CDKAL1: variants seen among roughly 807,000 people sequenced by gnomAD.
CDKAL1 encodes the protein threonylcarbamoyladenosine tRNA methylthiotransferase.
Under a neutral mutation model 68.2 loss-of-function variants are expected in CDKAL1, and 32 were observed. The ratio of observed to expected loss-of-function variants is 0.47; its 90% CI spans 0.35 to 0.63. The LOEUF (loss-of-function observed/expected upper bound fraction) is 0.63, where lower values mean the gene tolerates loss of function less well. Ranked by LOEUF, CDKAL1 falls within the 30% of genes least tolerant of loss-of-function variation. The pLI, the probability that CDKAL1 is intolerant of heterozygous loss-of-function variation, is 0.00. For missense variants in CDKAL1, 606 were observed against 696.7 expected (o/e 0.87, Z 1.47); for synonymous variants, 234 against 244.3 (o/e 0.96, Z 0.39).
intron 8 of CDKAL1, among the ~76,000 whole-genome samples, chr6:20,830,610 T>C (rs998012660): frequency 6.6e-6 from 1 of 152,136 alleles, no homozygotes; most frequent in African/African-American, 2.4e-5. Context: ...GCATGGGTAA[T>C]GTTCTACCAC....
chr6:21,062,271 G>C (rs568518014), intron 11 of CDKAL1, among the ~76,000 whole-genome samples: 2 of 152,076 alleles, frequency 1.3e-5, no homozygotes, highest in African/African-American at 4.8e-5. Context: ...AATTTTCTAG[G>C]AGAGATGGAC....
intron 9 of CDKAL1, among the ~76,000 whole-genome samples, chr6:20,914,702 T>A (rs1218672221): frequency 6.6e-6 from 1 of 152,226 alleles, no homozygotes; most frequent in African/African-American, 2.4e-5. Context: ...AGTAAGTTTT[T>A]TAAAATTTTT....
At chr6:21,216,768 T>TCCCCAACCCTC (rs1225454222) in intron 15 of CDKAL1, among the ~76,000 whole-genome samples, 2 of 152,122 alleles carry the variant, frequency 1.3e-5, no homozygotes, top group Non-Finnish European at 2.9e-5. Flanking sequence ...GACCAACCCT[T>TCCCCAACCCTC]CCCCAACCCT....
rs1331179758 is a variant in CDKAL1 at position 20,786,896 on chromosome 6, A to G, written c.638+5631A>G. 2.0e-5 allele frequency among the ~76,000 whole-genome samples: 3 copies of G among 152,070 alleles called. No individual in the cohort carries two copies. In the East Asian group the frequency reaches 5.8e-4, roughly 29 times the overall value. ...AAAATTGGAAATTGTGGCATAAAGG[A>G]CATCTGTGCTTTATTTTACCTTCTC... On this transcript the variant is annotated intron_variant, in intron 8 of 15. Coordinates refer to ENST00000274695, the MANE Select transcript of CDKAL1 (RefSeq NM_017774.3).
chr6:20,999,675 AAAAAAAAAAAAAG>A (rs1239235054), intron 10 of CDKAL1, among the ~76,000 whole-genome samples: 6 of 145,974 alleles, frequency 4.1e-5, no homozygotes, highest in African/African-American at 1.6e-4. Context: ...AAAAAAAAAA[AAAAAAAAAAAAAG>A]AAAGAAACAG....
At chr6:20,601,236 CTT>C (rs748993991) in intron 4 of CDKAL1, among the ~76,000 whole-genome samples, 3 of 152,040 alleles carry the variant, frequency 2.0e-5, no homozygotes, top group African/African-American at 2.4e-5. Context: ...AATAGGGTAA[CTT>C]ATTTAATTTT....
chr6:20,897,073 T>A (rs1198600531), intron 9 of CDKAL1, among the ~76,000 whole-genome samples: 1 of 152,134 alleles, frequency 6.6e-6, no homozygotes, highest in Non-Finnish European at 1.5e-5. Context: ...AGATTCAGTA[T>A]CTCATGAAGG....
At chr6:20,909,169 A>G (rs929208636) in intron 9 of CDKAL1, among the ~76,000 whole-genome samples, 5 of 148,512 alleles carry the variant, frequency 3.4e-5, no homozygotes, top group Non-Finnish European at 5.9e-5. Context: ...ATATGTATCT[A>G]TATATGTGTG....
In CDKAL1 at chr6:20,907,381, C is replaced by T. The variant is rs184563940; in HGVS notation, c.743-48038C>T. 4.3e-3 allele frequency among the ~76,000 whole-genome samples: 659 copies of T among 152,142 alleles called. 1 individual carries two copies. The highest frequency in any genetic ancestry group is 6.0e-3 in the Non-Finnish European group (406 of 68,024). ...AGGCTGCAGTGAGCCGAGATTGTGC[C>T]ACTGCACTCCAGTTTGGATGACAGA... is the stretch of plus-strand genomic sequence containing the variant. On this transcript the variant is annotated intron_variant, in intron 9 of 15. Coordinates refer to ENST00000274695, the MANE Select transcript of CDKAL1 (RefSeq NM_017774.3).
At chr6:20,699,655 T>C (rs1303037858) in intron 5 of CDKAL1, among the ~76,000 whole-genome samples, 1 of 152,122 alleles carries the variant, frequency 6.6e-6, no homozygotes, top group East Asian at 1.9e-4. Flanking sequence ...TAAAGAAATA[T>C]GCACCTTCTG....
rs963701828 is a variant in CDKAL1, at chr6:20,677,458, G to A, written c.371+28081G>A. Among the ~76,000 whole-genome samples, 7 of 151,212 alleles carry A rather than the reference G, an allele frequency of 4.6e-5. No homozygotes were observed. In the South Asian group the frequency reaches 1.3e-3, roughly 27 times the overall value. On this transcript the variant is annotated intron_variant, in intron 5 of 15. Transcript: ENST00000274695. Reference sequence around the variant, plus strand: ...TTTTAGATGGAGTTTTACTCTTGTCGCCCAGGCTGGAGTGCAATGGCACGA... The same window carrying A: ...TTTTAGATGGAGTTTTACTCTTGTCACCCAGGCTGGAGTGCAATGGCACGA...
At chr6:20,977,059 A>G (rs990808966) in intron 10 of CDKAL1, among the ~76,000 whole-genome samples, 1 of 152,216 alleles carries the variant, frequency 6.6e-6, no homozygotes, top group African/African-American at 2.4e-5. Flanking sequence ...TGGCTTTAAT[A>G]AAATTGCCCA....
chr6:20,715,071 T>C (rs982974892), intron 5 of CDKAL1, among the ~76,000 whole-genome samples: 1 of 152,254 alleles, frequency 6.6e-6, no homozygotes, highest in Non-Finnish European at 1.5e-5. Flanking sequence ...AGAGCAGTTA[T>C]AATCTACTCA....
chr6:20,751,966 T>C (rs1462990276), intron 6 of CDKAL1, among the ~76,000 whole-genome samples: 1 of 152,178 alleles, frequency 6.6e-6, no homozygotes, highest in Non-Finnish European at 1.5e-5. Flanking sequence ...TCTTCATTAC[T>C]GTATGTGAAT....
At chr6:20,704,713 G>A (rs1485451074) in intron 5 of CDKAL1, among the ~76,000 whole-genome samples, 1 of 152,190 alleles carries the variant, frequency 6.6e-6, no homozygotes, top group Admixed American at 6.5e-5. Flanking sequence ...TAGACCAGAA[G>A]TGAGGAAATA....
chr6:20,557,525 T>A (rs934381299), intron 4 of CDKAL1, among the ~76,000 whole-genome samples: 3 of 152,190 alleles, frequency 2.0e-5, no homozygotes, highest in Admixed American at 2.0e-4. Flanking sequence ...TTCAGATAAT[T>A]TTCCAAGCTT....
At chr6:20,723,180 A>T (rs1270888571) in intron 5 of CDKAL1, among the ~76,000 whole-genome samples, 1 of 152,208 alleles carries the variant, frequency 6.6e-6, no homozygotes, top group Non-Finnish European at 1.5e-5. Context: ...GGACAGTGGA[A>T]CTAAAGGAGC....
At chr6:20,694,184 ACAAACAAACAAACAAG>A (rs548629656) in intron 5 of CDKAL1, among the ~76,000 whole-genome samples, 22 of 151,962 alleles carry the variant, frequency 1.4e-4, no homozygotes, top group Non-Finnish European at 1.5e-4. Flanking sequence ...AAACAAACAA[ACAAACAAACAAACAAG>A]CAAACAAACA....
chr6:20,940,869 T>A lies in CDKAL1; in HGVS notation c.743-14550T>A, dbSNP rs561264753. ...ACTTTGAGAGGCCAAGGCGGGCAGA[T>A]CACGAGGTCAGGAGATCAAGACCAT... is the stretch of plus-strand genomic sequence containing the variant. On this transcript the variant is annotated intron_variant, in intron 9 of 15. Transcript: ENST00000274695. 7.9e-5 allele frequency among the ~76,000 whole-genome samples: 12 copies of A among 152,258 alleles called. No homozygotes were observed. In the Middle Eastern group the frequency reaches 0.01, roughly 129 times the overall value.
Sources: allele counts gnomAD v4.1 joint callset (sites outside exome capture counted in the v4.1 genomes callset), GRCh38; gene constraint gnomAD v4.1.1; transcripts MANE v1.5; gene names NCBI Gene and HGNC (gene_info 2026-07-23, HGNC 2026-07-21).